The following ASS1 variants were observed in gnomAD, a reference collection of about 807,000 sequenced individuals.
The protein encoded by ASS1 is argininosuccinate synthase 1.
A neutral mutation model predicts 60.5 loss-of-function variants in ASS1; 58 were observed. That is an observed-to-expected ratio of 0.96 (90% CI 0.78 to 1.19). The LOEUF (loss-of-function observed/expected upper bound fraction) is 1.19, where lower values mean the gene tolerates loss of function less well. Among genes scored for constraint, ASS1 ranks in the 50% most tolerant of loss-of-function variants. ASS1 has a pLI of 0.00. For missense variants in ASS1, 454 were observed against 547.3 expected (o/e 0.83, Z 1.70); for synonymous variants, 200 against 206.9 (o/e 0.97, Z 0.29).
At chr9:130,445,028 T>G (rs1845161932) in intron 1 of ASS1, 33 bp downstream of exon 1, 1 of 455,878 alleles carries the variant, frequency 2.2e-6, no homozygotes, top group African/African-American at 2.1e-5. Context: ...CGCTGCCCAC[T>G]CCCTAGCCGA....
In ASS1 at chr9:130,485,100, G is replaced by A. The variant is rs1846276579; in HGVS notation, c.839-4233G>A. Among the ~76,000 whole-genome samples, 3 of 152,132 alleles carry A rather than the reference G, an allele frequency of 2.0e-5. No homozygotes were observed. The South Asian group carries it at 6.2e-4, about 32-fold the overall frequency. ...GTGGCACTGGCCTCATTTTCCTGGG[G>A]ACACCTGTGATGGGCCAGTAGCTGG... On this transcript the variant is annotated intron_variant, in intron 11 of 14. Coordinates refer to ENST00000352480, the MANE Select transcript of ASS1 (RefSeq NM_054012.4).
intron 8 of ASS1, among the ~76,000 whole-genome samples, chr9:130,473,488 GGCACCCAGAGTCCC>G: frequency 9.6e-5 from 1 of 10,372 alleles, no homozygotes; most frequent in East Asian, 0.05. Flanking sequence ...GTCCCACCCA[GGCACCCAGAGTCCC>G]ACCCAGGCAC....
In ASS1 at chr9:130,476,262, GCAACACGCAGCCC is replaced by G. The variant is rs1177529698; in HGVS notation, c.598-607_598-595del. 6.5e-6 allele frequency: 1 copy of G among 154,406 alleles called. No homozygotes were observed. The highest frequency in any genetic ancestry group is 1.4e-5 in the Non-Finnish European group (1 of 69,570). 9.6% of individuals were successfully genotyped at this position (154,406 alleles called of 1,614,324 possible). The stretch of plus-strand genomic sequence containing the variant: ...TGGGAGGGAATTTCGAGAGTTTCAG[GCAACACGCAGCCC>G]CTCCACCACTGCATCAGACGAGAGG... On this transcript the variant is annotated intron_variant, in intron 8 of 14. Coordinates refer to ENST00000352480, the MANE Select transcript of ASS1 (RefSeq NM_054012.4). The surrounding 1 kb of genome is among the most constrained non-coding windows in gnomAD (Gnocchi z 4.9).
At position 130,479,805 on chromosome 9, in the gene ASS1, G is replaced by C; in HGVS notation, c.773+5G>C. ...CATGTACCTGAACGAAGTCGCGTGA[G>C]TGTCTGCAGCCCTGTCCGGCCTCTT... On this transcript the variant is annotated splice_donor_5th_base_variant and intron_variant, in intron 10 of 14. Transcript: ENST00000352480. 1 of 1,613,654 alleles carries C rather than the reference G, an allele frequency of 6.2e-7. No homozygotes were observed. The highest frequency in any genetic ancestry group is 8.5e-7 in the Non-Finnish European group (1 of 1,179,494).
rs1845500156 is a variant in ASS1, at chr9:130,458,440, T to A, written c.214T>A (p.Phe72Ile). The A allele has an allele frequency of 6.2e-7, 1 of 1,611,796 alleles. No homozygotes were observed. Among genetic ancestry groups the A allele is most frequent in the African/African-American group, 1.3e-5 (1 of 74,822 alleles). Residue 72 changes from phenylalanine to isoleucine, a missense_variant, in exon 4 of 15, where the codon TTC becomes ATC. By Grantham distance (21) the Phe-to-Ile change is conservative. Coordinates refer to ENST00000352480, the MANE Select transcript of ASS1 (RefSeq NM_054012.4). ...EDVSREFVEE[F>I]IWPAIQSSAL... ...TGTCAGCAGGGAGTTTGTGGAGGAG[T>A]TCATCTGGCCGGCCATCCAGTCCAG...
chr9:130,475,826 G>C (rs1363623133), intron 8 of ASS1, among the ~76,000 whole-genome samples: 1 of 149,276 alleles, frequency 6.7e-6, no homozygotes, highest in Non-Finnish European at 1.5e-5. Context: ...GTGCAATCTC[G>C]GCTCACTGCA....
At chr9:130,481,791 C>T (rs1363060056) in intron 11 of ASS1, among the ~76,000 whole-genome samples, 3 of 152,146 alleles carry the variant, frequency 2.0e-5, no homozygotes, top group African/African-American at 7.2e-5. Flanking sequence ...GAGGCAGGCT[C>T]GCCTCTTTCT....
At chr9:130,490,228 C>T (rs1369364768) in intron 12 of ASS1, among the ~76,000 whole-genome samples, 1 of 152,278 alleles carries the variant, frequency 6.6e-6, no homozygotes, top group Non-Finnish European at 1.5e-5. Context: ...CCCCAAACTA[C>T]AGTCCCTGGG....
At chr9:130,468,595 ATT>A in intron 6 of ASS1, among the ~76,000 whole-genome samples, 2 of 151,802 alleles carry the variant, frequency 1.3e-5, no homozygotes, top group Admixed American at 1.3e-4. Context: ...TTTTTCATAT[ATT>A]TATTTATTTA....
intron 11 of ASS1, among the ~76,000 whole-genome samples, chr9:130,487,711 G>A (rs1335417632): frequency 2.0e-5 from 3 of 151,834 alleles, no homozygotes; most frequent in Non-Finnish European, 4.4e-5. Flanking sequence ...GTCACTTAGC[G>A]TCACGGCCTT....
At chr9:130,450,627 T>C (rs947334541) in intron 1 of ASS1, among the ~76,000 whole-genome samples, 5 of 152,226 alleles carry the variant, frequency 3.3e-5, no homozygotes, top group Non-Finnish European at 7.3e-5. Context: ...GGTGGGACCG[T>C]GCAGCATGCA....
chr9:130,485,219 GA>G (rs767300364), intron 11 of ASS1, among the ~76,000 whole-genome samples: 12 of 152,274 alleles, frequency 7.9e-5, no homozygotes, highest in Middle Eastern at 6.8e-3. Flanking sequence ...CTGTGGCCTC[GA>G]ATGTTCTCGA....
intron 2 of ASS1, among the ~76,000 whole-genome samples, 199 bp from the exon 3 acceptor site, chr9:130,454,106 A>G (rs954342738): frequency 6.6e-6 from 1 of 152,204 alleles, no homozygotes; most frequent in Non-Finnish European, 1.5e-5. Flanking sequence ...CCACGCTACA[A>G]TCCAGCTCCC....
chr9:130,462,337 G>C (rs549749367), intron 4 of ASS1, among the ~76,000 whole-genome samples: 3 of 152,164 alleles, frequency 2.0e-5, no homozygotes, highest in Non-Finnish European at 4.4e-5. Context: ...ATCAGCATGC[G>C]GACACTCGTG....
chr9:130,489,314 T>C lies in ASS1; in HGVS notation c.839-19T>C, dbSNP rs2118863986. ...TCTCTCTTTTTTCTCCTTTTCCCCC[T>C]GCCTGGAAAAATGGCTAGGTATCTA... On this transcript the variant is annotated intron_variant, in intron 11 of 14. Coordinates refer to ENST00000352480, the MANE Select transcript of ASS1 (RefSeq NM_054012.4). This position sits in a 1 kb window ranked among gnomAD's most constrained non-coding sequence, Gnocchi z 4.1. 12 of 1,613,416 alleles carry C rather than the reference T, an allele frequency of 7.4e-6. No homozygotes were observed. The highest frequency in any genetic ancestry group is 1.0e-5 in the Non-Finnish European group (12 of 1,179,784).
intron 1 of ASS1, among the ~76,000 whole-genome samples, chr9:130,447,784 G>A (rs141181411): frequency 5.2e-4 from 79 of 152,260 alleles, no homozygotes; most frequent in African/African-American, 1.9e-3. Context: ...GGGCTGTCAG[G>A]TTGTACAGAT....
At chr9:130,473,212 G>A (rs185578262) in intron 8 of ASS1, among the ~76,000 whole-genome samples, 4 of 152,252 alleles carry the variant, frequency 2.6e-5, no homozygotes, top group East Asian at 1.9e-4. Context: ...GTGCAACCTC[G>A]AGCAAGTTAC....
chr9:130,461,875 G>A (rs1044012319), intron 4 of ASS1, among the ~76,000 whole-genome samples: 1 of 152,280 alleles, frequency 6.6e-6, no homozygotes. Flanking sequence ...GGAGGCTTTC[G>A]GGTCTTTGGG....
Position 130,476,402 on chromosome 9 carries a change from C to T in ASS1, c.598-469C>T, listed in dbSNP as rs1454422044. On this transcript the variant is annotated intron_variant, in intron 8 of 14. Coordinates refer to ENST00000352480, the MANE Select transcript of ASS1 (RefSeq NM_054012.4). The surrounding 1 kb of genome is among the most constrained non-coding windows in gnomAD (Gnocchi z 4.9). ...CTCTTTTCTCCCTGTGAGTATTAACCTTGGGGACCCTGGGGACGGCTCGGC... is the reference window on the plus strand; with the variant it reads ...CTCTTTTCTCCCTGTGAGTATTAACTTTGGGGACCCTGGGGACGGCTCGGC... 4.8e-6 allele frequency: 1 copy of T among 206,466 alleles called. No individual in the cohort carries two copies. The highest frequency in any genetic ancestry group is 1.2e-4 in the East Asian group (1 of 8,454). 12.8% of individuals were successfully genotyped at this position (206,466 alleles called of 1,614,324 possible).
Sources: allele counts gnomAD v4.1 joint callset (sites outside exome capture counted in the v4.1 genomes callset), GRCh38; gene constraint gnomAD v4.1.1; non-coding constraint Gnocchi (gnomAD v3.1); transcripts MANE v1.5; gene names NCBI Gene and HGNC (gene_info 2026-07-23, HGNC 2026-07-21).